The following PLEKHS1 variants were observed in gnomAD, a reference collection of about 807,000 sequenced individuals.
The protein encoded by PLEKHS1 is pleckstrin homology domain-containing family S member 1.
In PLEKHS1, 55 loss-of-function variants were observed where a neutral mutation model predicts 51.0. The observed-to-expected ratio is 1.08, with a 90% CI of 0.87 to 1.35. PLEKHS1 has a LOEUF of 1.35. PLEKHS1 is among the 40% of genes most tolerant of loss of function. The pLI, the probability that PLEKHS1 is intolerant of heterozygous loss-of-function variation, is 0.00. For synonymous variants in PLEKHS1, 153 were observed against 144.8 expected, an observed-to-expected ratio of 1.06 and a Z score of -0.41; for missense variants, 398 against 423.0, an observed-to-expected ratio of 0.94 and a Z score of 0.52.
intron 2 of PLEKHS1, chr10:113,764,936 GGTC>G (rs1192966937): frequency 6.5e-6 from 1 of 153,392 alleles, no homozygotes; most frequent in African/African-American, 2.4e-5. Context: ...TTTCACTTTA[GGTC>G]TTCTTTATAT....
At chr10:113,783,415 T>C (rs1467889705), downstream of PLEKHS1, 1 of 152,150 alleles carries the variant, frequency 6.6e-6, no homozygotes, top group Non-Finnish European at 1.5e-5. Flanking sequence ...AATAAATGTT[T>C]GGTGTTTGTG....
chr10:113,772,894 G>A (rs1014736775), intron 8 of PLEKHS1, among the ~76,000 whole-genome samples: 2 of 152,196 alleles, frequency 1.3e-5, no homozygotes, highest in African/African-American at 2.4e-5. Context: ...CATAGGGGAA[G>A]CGATGGCTTC....
intron 1 of PLEKHS1, among the ~76,000 whole-genome samples, chr10:113,753,033 T>G (rs1198609276): frequency 2.6e-5 from 4 of 152,278 alleles, no homozygotes; most frequent in Non-Finnish European, 5.9e-5. Context: ...AAATGCATTT[T>G]ATAAACTTTA....
chr10:113,769,291 G>A (rs1022016332), intron 6 of PLEKHS1, among the ~76,000 whole-genome samples: 3 of 151,536 alleles, frequency 2.0e-5, no homozygotes, highest in Non-Finnish European at 2.9e-5. Flanking sequence ...TATCTTTCAT[G>A]TACATGCTTA....
chr10:113,754,897 A>T (rs1235763658), intron 1 of PLEKHS1, among the ~76,000 whole-genome samples: 1 of 152,170 alleles, frequency 6.6e-6, no homozygotes, highest in Non-Finnish European at 1.5e-5. Context: ...GCTCCATGGC[A>T]TCCTGCCCTT....
intron 2 of PLEKHS1, among the ~76,000 whole-genome samples, chr10:113,760,089 G>A (rs1843852043): frequency 6.6e-6 from 1 of 152,102 alleles, no homozygotes; most frequent in Non-Finnish European, 1.5e-5. Flanking sequence ...AGTTTGTATA[G>A]AACTTTATAT....
rs369130817 is a variant in PLEKHS1, at chr10:113,775,825, C to T, written c.1050C>T (p.Val350=). The T allele has an allele frequency of 1.9e-6, 3 of 1,612,924 alleles. No individual in the cohort carries two copies. In the African/African-American group the frequency reaches 4.0e-5, roughly 22 times the overall value. The change falls in exon 11 of 12, where the codon GTC becomes GTT. Residue 350 remains valine (V), a synonymous_variant. Coordinates refer to ENST00000361048, the Ensembl canonical transcript of PLEKHS1. ...ACGTTTTCCTTTCTCCTCCTGATGTCATCAACTATCTTGCTCTCACAGAAG... is the reference window on the plus strand; with the variant it reads ...ACGTTTTCCTTTCTCCTCCTGATGTTATCAACTATCTTGCTCTCACAGAAG...
At chr10:113,754,997 C>T (rs1854038180) in intron 1 of PLEKHS1, among the ~76,000 whole-genome samples, 1 of 152,190 alleles carries the variant, frequency 6.6e-6, no homozygotes, top group Non-Finnish European at 1.5e-5. Context: ...AAGACAAGCT[C>T]CTTCAGTCTT....
At chr10:113,767,600 C>A in intron 5 of PLEKHS1, 121 bp downstream of exon 5, 1 of 944,386 alleles carries the variant, frequency 1.1e-6, no homozygotes, top group South Asian at 3.2e-5. Flanking sequence ...CAAATGCCAT[C>A]TTGGCAATCT....
At chr10:113,755,269 A>G in exon 2 of PLEKHS1, 1 of 1,608,292 alleles carries the variant, frequency 6.2e-7, no homozygotes, top group East Asian at 2.3e-5. Context: ...GGGAGGACAC[A>G]CAGCCATCAT....
chr10:113,769,750 C>A, intron 6 of PLEKHS1, 34 bp from the exon 7 acceptor site: 5 of 1,372,030 alleles, frequency 3.6e-6, no homozygotes, highest in Non-Finnish European at 5.2e-6. Context: ...CAGAGATCAA[C>A]TGTGCCCTGA....
intron 6 of PLEKHS1, 128 bp from the exon 7 acceptor site, chr10:113,769,656 A>G (rs1844310215): frequency 1.4e-6 from 1 of 691,052 alleles, no homozygotes; most frequent in Non-Finnish European, 2.6e-6. Context: ...TAATGCTGGC[A>G]GGCCAGCGGC....
intron 5 of PLEKHS1, 68 bp from the exon 6 acceptor site, chr10:113,768,747 A>G: frequency 4.7e-6 from 6 of 1,276,626 alleles, no homozygotes; most frequent in Non-Finnish European, 6.7e-6. Flanking sequence ...TTCATAAAAG[A>G]ATCCTTCTCT....
intron 11 of PLEKHS1, 150 bp from the exon 12 acceptor site, chr10:113,776,974 T>C (rs534958921): frequency 2.2e-6 from 2 of 904,612 alleles, no homozygotes; most frequent in African/African-American, 1.7e-5. Flanking sequence ...GCTCCTATTG[T>C]AGTGACAGAG....
chr10:113,752,653 G>A (rs1853901667), intron 1 of PLEKHS1, among the ~76,000 whole-genome samples: 1 of 152,176 alleles, frequency 6.6e-6, no homozygotes, highest in Non-Finnish European at 1.5e-5. Flanking sequence ...CATAATTCAT[G>A]GAGATGAAAT....
chr10:113,777,067 T>C, intron 11 of PLEKHS1, 57 bp from the exon 12 acceptor site: 3 of 1,597,464 alleles, frequency 1.9e-6, no homozygotes, highest in Non-Finnish European at 2.6e-6. Context: ...CTGCGTGCCC[T>C]GCCCTCCTGG....
At chr10:113,756,416 G>A (rs934667305) in intron 2 of PLEKHS1, among the ~76,000 whole-genome samples, 4 of 152,070 alleles carry the variant, frequency 2.6e-5, no homozygotes, top group Admixed American at 6.6e-5. Flanking sequence ...AGCCAAGATC[G>A]CACCACTGCA....
chr10:113,766,559 C>A (rs1455676644), intron 3 of PLEKHS1, 53 bp from the exon 4 acceptor site: 5 of 1,586,702 alleles, frequency 3.2e-6, no homozygotes, highest in Non-Finnish European at 4.3e-6. Flanking sequence ...TTTTAAAAAT[C>A]ATTTCTTTTC....
chr10:113,766,785 A>G, intron 4 of PLEKHS1, 67 bp downstream of exon 4: 1 of 1,238,380 alleles, frequency 8.1e-7, no homozygotes, highest in Non-Finnish European at 1.1e-6. Flanking sequence ...AACAAGTTGC[A>G]TGCAAATTGA....
Sources: allele counts gnomAD v4.1 joint callset (sites outside exome capture counted in the v4.1 genomes callset), GRCh38; gene constraint gnomAD v4.1.1; transcripts MANE v1.5; gene names NCBI Gene and HGNC (gene_info 2026-07-23, HGNC 2026-07-21).